The following TMEM236 variants were observed in gnomAD, a reference collection of about 807,000 sequenced individuals.
TMEM236 encodes the protein transmembrane protein 236.
Under a neutral mutation model 14.7 loss-of-function variants are expected in TMEM236, and 11 were observed. The ratio of observed to expected loss-of-function variants is 0.75; its 90% CI spans 0.47 to 1.24. The LOEUF (loss-of-function observed/expected upper bound fraction) is 1.24. Among genes scored for constraint, TMEM236 ranks in the 50% most tolerant of loss-of-function variants. The probability of loss-of-function intolerance (pLI) is 0.00; values close to 1 mark genes in which losing one functional copy is unlikely to be tolerated. For missense variants in TMEM236, 464 were observed against 427.3 expected (o/e 1.09, Z -0.76); for synonymous variants, 182 against 168.6 (o/e 1.08, Z -0.62).
At chr10:17,791,858 T>A (rs1837930663) in intron 3 of TMEM236, among the ~76,000 whole-genome samples, 1 of 152,196 alleles carries the variant, frequency 6.6e-6, no homozygotes, top group South Asian at 2.1e-4. Context: ...ATTCTATATT[T>A]ATTGGTGTGA....
intron 3 of TMEM236, among the ~76,000 whole-genome samples, chr10:17,776,912 C>A (rs1837666725): frequency 6.6e-6 from 1 of 152,148 alleles, no homozygotes. Context: ...GTAAATTACT[C>A]CAGCTTTCAT....
chr10:17,768,085 G>GTTTT (rs1181734908), intron 1 of TMEM236, among the ~76,000 whole-genome samples: 1,328 of 98,480 alleles, frequency 0.013, 70 homozygotes, highest in South Asian at 0.021. Flanking sequence ...TAATTTTTGT[G>GTTTT]GTTTTTTTTT....
chr10:17,775,954 AT>A, intron 2 of TMEM236, 74 bp from the exon 3 acceptor site: 2 of 1,536,224 alleles, frequency 1.3e-6, no homozygotes, highest in Admixed American at 3.3e-5. Context: ...TTAGTGCTGC[AT>A]TCAGACTATT....
In TMEM236 at chr10:17,796,322, C is replaced by G; in HGVS notation, c.874C>G (p.Leu292Val). The change falls in exon 4 of 4, where the codon CTG (leucine) becomes GTG (valine). Residue 292 changes from leucine (L) to valine (V), a missense_variant. By Grantham distance (32) the Leu-to-Val change is conservative (BLOSUM62 1). Coordinates refer to ENST00000377495, the MANE Select transcript of TMEM236 (RefSeq NM_001098844.3). Reference sequence around the variant, plus strand: ...TCCCCAAAACCCTCTTCTCAATTCCCTGAGCGTCCTGCTGCAAGATTTACC... The same window carrying G: ...TCCCCAAAACCCTCTTCTCAATTCCGTGAGCGTCCTGCTGCAAGATTTACC... ...FTPQNPLLNS[L>V]SVLLQDLPFV... 1 of 1,613,970 alleles carries G rather than the reference C, an allele frequency of 6.2e-7. No individual in the cohort carries two copies. Among genetic ancestry groups the G allele is most frequent in the Admixed American group, 1.7e-5 (1 of 60,010 alleles).
rs892654798 is a variant in TMEM236 at position 17,791,115 on chromosome 10, G to A, written c.473-4806G>A. ...CTAGCTGTGTGACCTTGGAAATAGTGCATAATCTCTCTGTGCCTCAGTTTA... is the reference window on the plus strand; with the variant it reads ...CTAGCTGTGTGACCTTGGAAATAGTACATAATCTCTCTGTGCCTCAGTTTA... On this transcript the variant is annotated intron_variant, in intron 3 of 3. Transcript: ENST00000377495. 6.5e-3 allele frequency among the ~76,000 whole-genome samples: 996 copies of A among 152,164 alleles called. 7 individuals are homozygous for A. The highest frequency in any genetic ancestry group is 0.023 in the African/African-American group (961 of 41,504).
At chr10:17,755,768 C>T (rs1225881129) in intron 1 of TMEM236, among the ~76,000 whole-genome samples, 2 of 152,136 alleles carry the variant, frequency 1.3e-5, no homozygotes, top group African/African-American at 4.8e-5. Flanking sequence ...CCCACCACAG[C>T]CCAGGAAGAA....
chr10:17,793,868 A>G (rs1837967446), intron 3 of TMEM236, among the ~76,000 whole-genome samples: 1 of 152,210 alleles, frequency 6.6e-6, no homozygotes, highest in Non-Finnish European at 1.5e-5. Flanking sequence ...TATGAATTTT[A>G]GAATAATAAA....
chr10:17,756,427 T>C (rs997091920), intron 1 of TMEM236, among the ~76,000 whole-genome samples: 2 of 151,940 alleles, frequency 1.3e-5, no homozygotes, highest in African/African-American at 4.8e-5. Flanking sequence ...TCCTGAGTAG[T>C]GGGGATTACA....
intron 3 of TMEM236, among the ~76,000 whole-genome samples, chr10:17,777,386 C>T (rs1837676070): frequency 1.3e-5 from 2 of 152,182 alleles, no homozygotes; most frequent in Non-Finnish European, 2.9e-5. Flanking sequence ...GTCTTAAACT[C>T]AGGAGAGTTG....
chr10:17,771,889 C>CT (rs1837579188), intron 2 of TMEM236, among the ~76,000 whole-genome samples: 1 of 149,564 alleles, frequency 6.7e-6, no homozygotes, highest in Non-Finnish European at 1.5e-5. Context: ...GCAGGAATAT[C>CT]TTAGGCAGAA....
chr10:17,786,180 T>G (rs984495356), intron 3 of TMEM236, among the ~76,000 whole-genome samples: 2 of 152,362 alleles, frequency 1.3e-5, no homozygotes, highest in East Asian at 1.9e-4. Context: ...TCAGGGAGAC[T>G]GATAGGAATA....
intron 3 of TMEM236, among the ~76,000 whole-genome samples, chr10:17,780,560 G>A (rs1035991502): frequency 7.9e-5 from 12 of 152,126 alleles, no homozygotes; most frequent in African/African-American, 2.9e-4. Flanking sequence ...AAGATCTTGG[G>A]TTTGCAGGAG....
In TMEM236 at chr10:17,796,845, G is replaced by T; in HGVS notation, c.*341G>T. 3.1e-6 allele frequency: 1 copy of T among 319,402 alleles called. No homozygotes were observed. Among genetic ancestry groups the T allele is most frequent in the Non-Finnish European group, 5.9e-6 (1 of 170,770 alleles). The allele number at this position is 319,402 out of a possible 1,614,324, so 19.8% of individuals were successfully genotyped here. ...TTAGCAAGCAGACCGCACAGCACGT[G>T]GTGAACCTCAAACTGAGCGTTCCCG... is the stretch of plus-strand genomic sequence containing the variant. On this transcript the variant is annotated 3_prime_UTR_variant, in exon 4 of 4. Coordinates refer to ENST00000377495, the MANE Select transcript of TMEM236 (RefSeq NM_001098844.3).
chr10:17,790,606 A>G (rs1226562891), intron 3 of TMEM236, among the ~76,000 whole-genome samples: 1 of 152,204 alleles, frequency 6.6e-6, no homozygotes, highest in East Asian at 1.9e-4. Flanking sequence ...GTGTATTTTA[A>G]TTTATTGCCT....
chr10:17,787,043 T>C (rs1554835754), intron 3 of TMEM236, among the ~76,000 whole-genome samples: 1 of 152,218 alleles, frequency 6.6e-6, no homozygotes, highest in African/African-American at 2.4e-5. Context: ...TGTGGAACTG[T>C]AAGTCCAATT....
At position 17,796,981 on chromosome 10, in the gene TMEM236, T is replaced by C. The variant is rs1838027308; in HGVS notation, c.*477T>C. 1 of 170,610 alleles carries C rather than the reference T, an allele frequency of 5.9e-6. No homozygotes were observed. Among genetic ancestry groups the C allele is most frequent in the Admixed American group, 5.4e-5 (1 of 18,484 alleles). The allele number at this position is 170,610 out of a possible 1,614,324, so 10.6% of individuals were successfully genotyped here. A position where few individuals can be genotyped will look rare whatever the true frequency, so the allele number is the denominator to read the frequency against. On this transcript the variant is annotated 3_prime_UTR_variant, in exon 4 of 4. Transcript: ENST00000377495. ...ATCTAGCTTTCGCTCTTTAAGAAAA[T>C]CTAATACCTGATGATCTGAGGTGGG... is the stretch of plus-strand genomic sequence containing the variant.
intron 3 of TMEM236, among the ~76,000 whole-genome samples, chr10:17,793,635 C>G (rs938657948): frequency 8.5e-5 from 13 of 152,072 alleles, no homozygotes; most frequent in Non-Finnish European, 1.8e-4. Flanking sequence ...AGGTGCCCAC[C>G]ACCACTCCCA....
chr10:17,777,956 C>G (rs1419615098), intron 3 of TMEM236, among the ~76,000 whole-genome samples: 4 of 152,180 alleles, frequency 2.6e-5, no homozygotes, highest in African/African-American at 9.6e-5. Context: ...CCAGGCTGGT[C>G]TCGAACTCCT....
intron 1 of TMEM236, among the ~76,000 whole-genome samples, chr10:17,764,914 C>T (rs1332764909): frequency 1.3e-5 from 2 of 149,614 alleles, no homozygotes; most frequent in Non-Finnish European, 1.5e-5. Context: ...CTCACCTCAA[C>T]CTCTGCCTCC....
Sources: allele counts gnomAD v4.1 joint callset (sites outside exome capture counted in the v4.1 genomes callset), GRCh38; gene constraint gnomAD v4.1.1; transcripts MANE v1.5; gene names NCBI Gene and HGNC (gene_info 2026-07-23, HGNC 2026-07-21).